Variants in MYT1 observed in about 807,000 individuals in gnomAD.
MYT1 encodes the protein myelin transcription factor 1.
A neutral mutation model predicts 123.0 loss-of-function variants in MYT1; 23 were observed. The ratio of observed to expected loss-of-function variants is 0.19; its 90% CI spans 0.13 to 0.26. The LOEUF is 0.26. MYT1 is among the 10% of genes least tolerant of loss of function. The pLI is 1.00. For synonymous variants in MYT1, 518 were observed against 575.3 expected, an observed-to-expected ratio of 0.90 and a Z score of 1.43; for missense variants, 1,125 against 1,472.5, an observed-to-expected ratio of 0.76 and a Z score of 3.86.
chr20:64,170,516 TCA>T (rs1049288471), intron 1 of MYT1, among the ~76,000 whole-genome samples: 2 of 152,094 alleles, frequency 1.3e-5, no homozygotes, highest in African/African-American at 4.8e-5. Context: ...ACTTAAATGC[TCA>T]GTTGAGCAGT....
rs1320118681 is a variant in MYT1, at chr20:64,208,328, C to T, written c.1132C>T (p.Leu378=). The T allele has an allele frequency of 1.9e-6, 3 of 1,614,112 alleles. No individual in the cohort carries two copies. Among genetic ancestry groups the T allele is most frequent in the Non-Finnish European group, 2.5e-6 (3 of 1,180,030 alleles). ...EMQDMMTRGN[L]GLLEQAIALK... is the part of the protein sequence containing the mutation. ...GCAGGACATGATGACCCGGGGAAAC[C>T]TGGGCCTCCTGGAGCAGGCCATCGC... The change falls in exon 7 of 23, where the codon CTG becomes TTG. Residue 378 remains leucine (L), a synonymous_variant. Transcript: ENST00000328439. The surrounding 1 kb of genome is among the most constrained non-coding windows in gnomAD (Gnocchi z 5.4).
At chr20:64,188,137 G>A (rs1982866465) in intron 1 of MYT1, among the ~76,000 whole-genome samples, 1 of 152,182 alleles carries the variant, frequency 6.6e-6, no homozygotes, top group South Asian at 2.1e-4. Flanking sequence ...GGTGGGTGTG[G>A]GTGGAGAAGC....
At chr20:64,237,225 A>G in intron 20 of MYT1, 62 bp from the exon 21 acceptor site, 2 of 1,405,092 alleles carry the variant, frequency 1.4e-6, no homozygotes, top group Non-Finnish European at 2.0e-6. Flanking sequence ...GCTTCCCCAC[A>G]GCACTTTGGC....
intron 4 of MYT1, among the ~76,000 whole-genome samples, chr20:64,204,214 A>G (rs527877902): frequency 6.6e-6 from 1 of 152,346 alleles, no homozygotes; most frequent in South Asian, 2.1e-4. Context: ...TGGTTGGCAT[A>G]GTCAGTACTC....
rs1011314039 is a variant in MYT1 at position 64,193,259 on chromosome 20, G to A, written c.-1+3099G>A. On this transcript the variant is annotated intron_variant, in intron 2 of 22. Transcript: ENST00000328439. This position sits in a 1 kb window ranked among gnomAD's most constrained non-coding sequence, Gnocchi z 4.0. ...GTTTAGCCTCAGAGATCAAGAGAGTGGAAAGCAGGATGTGTGCTGAGGTCA... is the reference window on the plus strand; with the variant it reads ...GTTTAGCCTCAGAGATCAAGAGAGTAGAAAGCAGGATGTGTGCTGAGGTCA... 6.6e-6 allele frequency among the ~76,000 whole-genome samples: 1 copy of A among 152,190 alleles called. No individual in the cohort carries two copies. The highest frequency in any genetic ancestry group is 1.5e-5 in the Non-Finnish European group (1 of 68,030).
At position 64,192,820 on chromosome 20, in the gene MYT1, G is replaced by T. The variant is rs976748327; in HGVS notation, c.-1+2660G>T. ...GACAGAGGCTCCTGCAAGGGAAGGA[G>T]CTGCCACTGGGTATGGCCCTTCTGG... On this transcript the variant is annotated intron_variant, in intron 2 of 22. Transcript: ENST00000328439. The surrounding 1 kb of genome is among the most constrained non-coding windows in gnomAD (Gnocchi z 5.3). 2.6e-5 allele frequency among the ~76,000 whole-genome samples: 4 copies of T among 152,256 alleles called. No individual in the cohort carries two copies. The highest frequency in any genetic ancestry group is 9.6e-5 in the African/African-American group (4 of 41,466).
rs568111138 is a variant in MYT1 at position 64,213,746 on chromosome 20, C to T, written c.1631+99C>T. On this transcript the variant is annotated intron_variant, in intron 10 of 22. Transcript: ENST00000328439. This position sits in a 1 kb window ranked among gnomAD's most constrained non-coding sequence, Gnocchi z 5.6. ...GGCTGTATGTGCATGTGTGTGAGTG[C>T]ATGTGTGTGAGTGTACGTGCATGTG... The T allele has an allele frequency of 2.1e-6, 2 of 967,278 alleles. No homozygotes were observed. The highest frequency in any genetic ancestry group is 3.2e-6 in the Non-Finnish European group (2 of 620,850). 59.9% of individuals were successfully genotyped at this position (967,278 alleles called of 1,614,324 possible).
chr20:64,181,002 G>A (rs533888851), intron 1 of MYT1, among the ~76,000 whole-genome samples: 2 of 152,288 alleles, frequency 1.3e-5, no homozygotes, highest in East Asian at 3.9e-4. Flanking sequence ...TGGGCATAGA[G>A]GACATGCCCT....
Position 64,232,670 on chromosome 20 carries a change from C to A in MYT1, c.2897+285C>A, listed in dbSNP as rs1205855064. ...CTGGGTGTTATGCTGGACACAGAGG[C>A]CACACATGAGCAGAGCCCTGGGTCT... is the stretch of plus-strand genomic sequence containing the variant. On this transcript the variant is annotated intron_variant, in intron 19 of 22. Transcript: ENST00000328439. This position sits in a 1 kb window ranked among gnomAD's most constrained non-coding sequence, Gnocchi z 6.9. Among the ~76,000 whole-genome samples, 3 of 152,090 alleles carry A rather than the reference C, an allele frequency of 2.0e-5. No homozygotes were observed. The highest frequency in any genetic ancestry group is 7.3e-5 in the African/African-American group (3 of 41,378).
chr20:64,170,609 A>C (rs1982223255), intron 1 of MYT1, among the ~76,000 whole-genome samples: 1 of 151,878 alleles, frequency 6.6e-6, no homozygotes, highest in South Asian at 2.1e-4. Flanking sequence ...CGCCTAGATA[A>C]AATGTTAGAC....
chr20:64,222,219 C>T (rs1984029541), intron 14 of MYT1, among the ~76,000 whole-genome samples, 172 bp downstream of exon 14: 1 of 152,194 alleles, frequency 6.6e-6, no homozygotes, highest in Admixed American at 6.5e-5. Context: ...AGAGGTTTCC[C>T]AACACCTTTG....
Position 64,241,650 on chromosome 20 carries a change from T to C in MYT1, c.*1202T>C, listed in dbSNP as rs1227166009. ...TTTTATTTATTAATTTTATACTATT[T>C]CAACTAGACCCCACACCAGGGCACC... On this transcript the variant is annotated 3_prime_UTR_variant, in exon 23 of 23. Coordinates refer to ENST00000328439, the MANE Select transcript of MYT1 (RefSeq NM_004535.3). This position sits in a 1 kb window ranked among gnomAD's most constrained non-coding sequence, Gnocchi z 4.2. 1 of 152,522 alleles carries C rather than the reference T, an allele frequency of 6.6e-6. No individual in the cohort carries two copies. The highest frequency in any genetic ancestry group is 1.5e-5 in the Non-Finnish European group (1 of 68,044). 9.4% of individuals were successfully genotyped at this position (152,522 alleles called of 1,614,324 possible).
chr20:64,212,183 CGTGGTGGGG>C lies in MYT1; in HGVS notation c.1517+47_1517+55del. 2.0e-6 allele frequency: 1 copy of C among 494,970 alleles called. No homozygotes were observed. The highest frequency in any genetic ancestry group is 2.2e-5 in the South Asian group (1 of 45,090). 30.7% of individuals were successfully genotyped at this position (494,970 alleles called of 1,614,324 possible). ...CCGTAGTGGGGGCCAGGGTGGGGGC[CGTGGTGGGG>C]GCCAGGGTGGGGGCCGTGGTGGGGG... On this transcript the variant is annotated intron_variant, in intron 9 of 22. Coordinates refer to ENST00000328439, the MANE Select transcript of MYT1 (RefSeq NM_004535.3). The surrounding 1 kb of genome is among the most constrained non-coding windows in gnomAD (Gnocchi z 6.8).
At chr20:64,201,999 C>CCGCGTGTCGGGAACCCCT (rs1212442201) in intron 4 of MYT1, among the ~76,000 whole-genome samples, 4 of 136,818 alleles carry the variant, frequency 2.9e-5, no homozygotes, top group Non-Finnish European at 4.8e-5. Flanking sequence ...TCGGGAACCC[C>CCGCGTGTCGGGAACCCCT]CGCGTGTCGG....
chr20:64,187,648 G>A (rs1982852504), intron 1 of MYT1, among the ~76,000 whole-genome samples: 1 of 152,276 alleles, frequency 6.6e-6, no homozygotes, highest in South Asian at 2.1e-4. Context: ...GAGCCCATGG[G>A]GCAGGGTTTG....
chr20:64,182,723 T>TG (rs1982689026), intron 1 of MYT1, among the ~76,000 whole-genome samples: 1 of 152,044 alleles, frequency 6.6e-6, no homozygotes, highest in African/African-American at 2.4e-5. Context: ...TGGTCCAGTT[T>TG]GGGGTTGAGG....
chr20:64,176,839 C>T (rs946558937), intron 1 of MYT1, among the ~76,000 whole-genome samples: 2 of 152,232 alleles, frequency 1.3e-5, no homozygotes, highest in African/African-American at 4.8e-5. Context: ...GGGCACACTC[C>T]TCCCCTGTTG....
chr20:64,241,840 A>G lies in MYT1; in HGVS notation c.*1392A>G, dbSNP rs1984725809. 6.6e-6 allele frequency: 1 copy of G among 152,480 alleles called. No individual in the cohort carries two copies. Among genetic ancestry groups the G allele is most frequent in the South Asian group, 2.1e-4 (1 of 4,828 alleles). 9.4% of individuals were successfully genotyped at this position (152,480 alleles called of 1,614,324 possible). A position where few individuals can be genotyped will look rare whatever the true frequency, so the allele number is the denominator to read the frequency against. ...TAATAATGGAATTTTTTTAAAAAGT[A>G]TTTTGTAACTGAGGAATTTTGATAA... On this transcript the variant is annotated 3_prime_UTR_variant, in exon 23 of 23. Transcript: ENST00000328439. The surrounding 1 kb of genome is among the most constrained non-coding windows in gnomAD (Gnocchi z 4.2).
In MYT1 at chr20:64,191,585, A is replaced by G. The variant is rs904672223; in HGVS notation, c.-1+1425A>G. On this transcript the variant is annotated intron_variant, in intron 2 of 22. Coordinates refer to ENST00000328439, the MANE Select transcript of MYT1 (RefSeq NM_004535.3). The surrounding 1 kb of genome is among the most constrained non-coding windows in gnomAD (Gnocchi z 4.1). ...GGAGGGCTATGCAGTTGTAGTGGGA[A>G]CTTCATTTGGGGGTGCTTGTGTTTT... 8.5e-5 allele frequency: 13 copies of G among 152,148 alleles called. No individual in the cohort carries two copies. Among genetic ancestry groups the G allele is most frequent in the African/African-American group, 3.1e-4 (13 of 41,416 alleles). The allele number at this position is 152,148 out of a possible 1,614,324, so 9.4% of individuals were successfully genotyped here. A position where few individuals can be genotyped will look rare whatever the true frequency, so the allele number is the denominator to read the frequency against.
Sources: allele counts gnomAD v4.1 joint callset (sites outside exome capture counted in the v4.1 genomes callset), GRCh38; gene constraint gnomAD v4.1.1; non-coding constraint Gnocchi (gnomAD v3.1); transcripts MANE v1.5; gene names NCBI Gene and HGNC (gene_info 2026-07-23, HGNC 2026-07-21).